The following OPCML variants were observed in gnomAD, a reference collection of about 807,000 sequenced individuals.
OPCML encodes opioid binding protein/cell adhesion molecule like.
A neutral mutation model predicts 37.8 loss-of-function variants in OPCML; 13 were observed. The observed-to-expected ratio is 0.34, with a 90% CI of 0.22 to 0.55. The LOEUF (loss-of-function observed/expected upper bound fraction) is 0.55. OPCML is among the 20% of genes least tolerant of loss of function. The pLI, the probability that OPCML is intolerant of heterozygous loss-of-function variation, is 0.91. For missense variants in OPCML, 341 were observed against 435.6 expected (o/e 0.78, Z 1.93); for synonymous variants, 176 against 168.8 (o/e 1.04, Z -0.33).
intron 2 of OPCML, among the ~76,000 whole-genome samples, chr11:132,780,119 A>G (rs889540905): frequency 3.3e-5 from 5 of 152,228 alleles, no homozygotes; most frequent in African/African-American, 1.2e-4. Context: ...ATCAAAACAC[A>G]TCGTCAGGTC....
At chr11:133,304,900 A>G (rs540886034) in intron 1 of OPCML, among the ~76,000 whole-genome samples, 1 of 152,294 alleles carries the variant, frequency 6.6e-6, no homozygotes, top group African/African-American at 2.4e-5. Context: ...ATTCATTCAC[A>G]ACAATTTGCT....
At chr11:132,425,692 C>T (rs2095975714) in intron 7 of OPCML, among the ~76,000 whole-genome samples, 1 of 152,200 alleles carries the variant, frequency 6.6e-6, no homozygotes, top group Non-Finnish European at 1.5e-5. Flanking sequence ...ACTAGGTTCT[C>T]AAAGGTTACT....
At chr11:133,499,566 T>TG (rs1301941496) in intron 1 of OPCML, among the ~76,000 whole-genome samples, 1 of 151,922 alleles carries the variant, frequency 6.6e-6, no homozygotes, top group Non-Finnish European at 1.5e-5. Flanking sequence ...AGGCTCTTTG[T>TG]GGGCTGCACT....
At chr11:132,588,562 G>A (rs891794832) in intron 3 of OPCML, among the ~76,000 whole-genome samples, 1 of 152,168 alleles carries the variant, frequency 6.6e-6, no homozygotes, top group Non-Finnish European at 1.5e-5. Flanking sequence ...GCAGATGTGA[G>A]CAGCTCTGCT....
intron 2 of OPCML, among the ~76,000 whole-genome samples, chr11:132,739,948 G>A (rs1474335649): frequency 6.6e-6 from 1 of 152,052 alleles, no homozygotes; most frequent in Non-Finnish European, 1.5e-5. Context: ...CACTACAGGA[G>A]TACAATCTTA....
intron 1 of OPCML, among the ~76,000 whole-genome samples, chr11:133,190,978 A>G (rs145122455): frequency 1.3e-5 from 2 of 152,014 alleles, no homozygotes; most frequent in Non-Finnish European, 2.9e-5. Context: ...GTGTAGACAT[A>G]CATTTTTATT....
chr11:133,041,138 C>G (rs138189852), intron 1 of OPCML, among the ~76,000 whole-genome samples: 98 of 152,280 alleles, frequency 6.4e-4, no homozygotes, highest in African/African-American at 2.2e-3. Flanking sequence ...GGAAAAGTTA[C>G]TTAGACTTTC....
At chr11:132,787,918 G>T (rs1947275736) in intron 2 of OPCML, among the ~76,000 whole-genome samples, 1 of 152,108 alleles carries the variant, frequency 6.6e-6, no homozygotes, top group South Asian at 2.1e-4. Flanking sequence ...GTCTCGCTTT[G>T]TCACCAGGCT....
intron 1 of OPCML, among the ~76,000 whole-genome samples, chr11:133,467,247 C>T (rs1326164409): frequency 6.6e-6 from 1 of 152,130 alleles, no homozygotes; most frequent in East Asian, 1.9e-4. Flanking sequence ...GTTTTCATCC[C>T]TGCTCTTCTC....
chr11:132,437,564 T>A (rs2096017491), intron 4 of OPCML: 1 of 757,238 alleles, frequency 1.3e-6, no homozygotes, highest in Non-Finnish European at 1.6e-6. Context: ...CTTGCATCAA[T>A]GTATTTTCAG....
chr11:133,111,981 T>C (rs1222190344), intron 1 of OPCML, among the ~76,000 whole-genome samples: 2 of 152,168 alleles, frequency 1.3e-5, no homozygotes, highest in Admixed American at 1.3e-4. Context: ...TTTCTTAAAA[T>C]GTTGTTATGG....
chr11:133,216,159 C>T (rs1435359209), intron 1 of OPCML, among the ~76,000 whole-genome samples: 1 of 152,164 alleles, frequency 6.6e-6, no homozygotes, highest in Non-Finnish European at 1.5e-5. Flanking sequence ...ATGTGATTGC[C>T]CTGCCTCTGC....
intron 1 of OPCML, 85 bp downstream of exon 1, chr11:133,532,179 G>A: frequency 6.4e-7 from 1 of 1,555,468 alleles, no homozygotes; most frequent in Non-Finnish European, 8.7e-7. Context: ...CTTCCTCCTT[G>A]CCTCTCCATC....
intron 1 of OPCML, among the ~76,000 whole-genome samples, chr11:133,025,750 T>C (rs968727453): frequency 1.0e-5 from 1 of 97,606 alleles, no homozygotes; most frequent in African/African-American, 4.4e-5. Context: ...TTTTTTTTTT[T>C]TGAGATGGAG....
intron 4 of OPCML, among the ~76,000 whole-genome samples, chr11:132,444,598 A>C (rs1190145072): frequency 6.6e-6 from 1 of 152,194 alleles, no homozygotes; most frequent in East Asian, 1.9e-4. Flanking sequence ...CTAAGCCCAC[A>C]GTATGTGTTC....
intron 4 of OPCML, among the ~76,000 whole-genome samples, chr11:132,463,153 T>C (rs1022289249): frequency 3.3e-5 from 5 of 152,238 alleles, no homozygotes; most frequent in African/African-American, 4.8e-5. Context: ...ATCTTCCAGT[T>C]TCACTTTGAA....
intron 1 of OPCML, among the ~76,000 whole-genome samples, chr11:133,270,042 C>A (rs1305806616): frequency 1.3e-5 from 2 of 152,158 alleles, no homozygotes; most frequent in Non-Finnish European, 2.9e-5. Flanking sequence ...ACATTGGAAT[C>A]TAATTCTCAC....
chr11:132,996,276 A>G (rs980955503), intron 1 of OPCML, among the ~76,000 whole-genome samples: 10 of 152,252 alleles, frequency 6.6e-5, no homozygotes, highest in Middle Eastern at 3.4e-3. Flanking sequence ...TTTGGTTCTG[A>G]TACAGGATTT....
chr11:133,371,004 A>C (rs1944662448), intron 1 of OPCML, among the ~76,000 whole-genome samples: 1 of 152,212 alleles, frequency 6.6e-6, no homozygotes, highest in African/African-American at 2.4e-5. Context: ...TAAAAAGTGG[A>C]CAAAGGACAT....
Sources: allele counts gnomAD v4.1 joint callset (sites outside exome capture counted in the v4.1 genomes callset), GRCh38; gene constraint gnomAD v4.1.1; transcripts MANE v1.5; gene names NCBI Gene and HGNC (gene_info 2026-07-23, HGNC 2026-07-21).